Variants in GABBR2 observed in about 807,000 individuals in gnomAD.
GABBR2 encodes gamma-aminobutyric acid type B receptor subunit 2.
Under a neutral mutation model 105.6 loss-of-function variants are expected in GABBR2, and 23 were observed. The observed-to-expected ratio is 0.22, with a 90% CI of 0.16 to 0.31. The LOEUF is 0.31. Among genes scored for constraint, GABBR2 ranks in the 10% least tolerant of loss-of-function variants. The pLI, the probability that GABBR2 is intolerant of heterozygous loss-of-function variation, is 1.00. For synonymous variants in GABBR2, 478 were observed against 499.7 expected, an observed-to-expected ratio of 0.96 and a Z score of 0.58; for missense variants, 734 against 1,245.5, an observed-to-expected ratio of 0.59 and a Z score of 6.18.
intron 3 of GABBR2, among the ~76,000 whole-genome samples, chr9:98,498,228 G>T (rs1397692095): frequency 6.6e-6 from 1 of 151,874 alleles, no homozygotes; most frequent in Admixed American, 6.6e-5. Flanking sequence ...AGCAGCTGAG[G>T]GAAGGAGGGG....
At chr9:98,299,093 CTGTG>C (rs935611975) in intron 17 of GABBR2, 127 bp downstream of exon 17, 1 of 781,354 alleles carries the variant, frequency 1.3e-6, no homozygotes, top group Non-Finnish European at 2.2e-6. Context: ...TGCTCCAGCT[CTGTG>C]TGTGTGACTT....
At chr9:98,591,341 A>T (rs754818629) in intron 1 of GABBR2, among the ~76,000 whole-genome samples, 8 of 152,102 alleles carry the variant, frequency 5.3e-5, no homozygotes, top group Admixed American at 2.0e-4. Flanking sequence ...TGGAGAAGGG[A>T]TGGGTGGGTT....
At chr9:98,304,255 A>AG (rs1830515025) in intron 15 of GABBR2, 1 of 153,020 alleles carries the variant, frequency 6.5e-6, no homozygotes, top group African/African-American at 2.4e-5. Context: ...AGGGAACTCC[A>AG]AGGGAAGAAC....
intron 2 of GABBR2, among the ~76,000 whole-genome samples, chr9:98,565,315 G>T (rs1299460862): frequency 6.6e-6 from 1 of 152,198 alleles, no homozygotes; most frequent in Non-Finnish European, 1.5e-5. Context: ...CTGAGCACTT[G>T]CCTGGTTCCT....
chr9:98,360,525 C>T (rs1388399629), intron 13 of GABBR2, among the ~76,000 whole-genome samples: 1 of 151,882 alleles, frequency 6.6e-6, no homozygotes, highest in African/African-American at 2.4e-5. Flanking sequence ...CCCTGGATAG[C>T]ACCTTTCCAG....
intron 1 of GABBR2, among the ~76,000 whole-genome samples, chr9:98,679,718 T>A (rs1234691694): frequency 6.6e-6 from 1 of 152,146 alleles, no homozygotes; most frequent in Admixed American, 6.5e-5. Flanking sequence ...TCTCCCGCCC[T>A]TTTCTCTTGA....
At chr9:98,497,154 A>T (rs10818988) in intron 3 of GABBR2, among the ~76,000 whole-genome samples, 2 of 152,006 alleles carry the variant, frequency 1.3e-5, no homozygotes, top group Non-Finnish European at 2.9e-5. Flanking sequence ...GTAATCCCAG[A>T]GCTTTGGGAG....
intron 1 of GABBR2, among the ~76,000 whole-genome samples, chr9:98,668,584 T>C (rs1196648306): frequency 5.8e-5 from 2 of 34,568 alleles, no homozygotes; most frequent in African/African-American, 3.4e-4. Flanking sequence ...TAAATTTACA[T>C]TGTTGTACAA....
intron 3 of GABBR2, among the ~76,000 whole-genome samples, chr9:98,529,341 C>G (rs780704606): frequency 1.4e-4 from 22 of 152,250 alleles, no homozygotes; most frequent in African/African-American, 5.3e-4. Context: ...TCAAGAAGCA[C>G]TGTAGCCATT....
At chr9:98,494,615 TGAGTCTC>T (rs1229633042) in intron 4 of GABBR2, among the ~76,000 whole-genome samples, 1 of 152,178 alleles carries the variant, frequency 6.6e-6, no homozygotes, top group Non-Finnish European at 1.5e-5. Context: ...CTAACCTCTT[TGAGTCTC>T]GAGTCCACAT....
intron 1 of GABBR2, among the ~76,000 whole-genome samples, chr9:98,661,962 T>C (rs1830271046): frequency 6.6e-6 from 1 of 152,158 alleles, no homozygotes; most frequent in Non-Finnish European, 1.5e-5. Context: ...AGGCTCCTAT[T>C]GCAACCACAT....
chr9:98,703,132 G>A (rs1001722306), intron 1 of GABBR2, among the ~76,000 whole-genome samples: 12 of 152,226 alleles, frequency 7.9e-5, no homozygotes, highest in African/African-American at 2.9e-4. Flanking sequence ...TCTTACTGGA[G>A]TTTCTAAACT....
At chr9:98,663,693 A>G (rs918612748) in intron 1 of GABBR2, among the ~76,000 whole-genome samples, 6 of 150,582 alleles carry the variant, frequency 4.0e-5, no homozygotes, top group African/African-American at 1.2e-4. Flanking sequence ...TCCCTTGCCC[A>G]GTTTATGGAC....
At chr9:98,702,558 G>A (rs900509615) in intron 1 of GABBR2, among the ~76,000 whole-genome samples, 5 of 152,090 alleles carry the variant, frequency 3.3e-5, no homozygotes, top group African/African-American at 7.2e-5. Context: ...CCCACCTTCC[G>A]GACACAGCAT....
At chr9:98,432,085 A>G (rs753157842) in intron 7 of GABBR2, among the ~76,000 whole-genome samples, 1 of 152,102 alleles carries the variant, frequency 6.6e-6, no homozygotes, top group African/African-American at 2.4e-5. Flanking sequence ...TAGTAGAGAC[A>G]GGGTTTCACC....
chr9:98,411,308 A>C lies in GABBR2; in HGVS notation c.1237-5167T>G, dbSNP rs565919684. ...ATGTATAGGGTAACTTACGGATAAAACCCTAAGTTTTGGCGTTTGCCAACA... is the reference window on the plus strand; with the variant it reads ...ATGTATAGGGTAACTTACGGATAAACCCCTAAGTTTTGGCGTTTGCCAACA... On this transcript the variant is annotated intron_variant, in intron 7 of 18. Coordinates refer to ENST00000259455, the MANE Select transcript of GABBR2 (RefSeq NM_005458.8). Among the ~76,000 whole-genome samples, 4 of 152,264 alleles carry C rather than the reference A, an allele frequency of 2.6e-5. No homozygotes were observed. The East Asian group carries it at 7.7e-4, about 29-fold the overall frequency.
At chr9:98,422,718 G>C (rs372340858) in intron 7 of GABBR2, among the ~76,000 whole-genome samples, 1 of 151,318 alleles carries the variant, frequency 6.6e-6, no homozygotes, top group Non-Finnish European at 1.5e-5. Context: ...CCATTAACTC[G>C]TCATTTAGCA....
chr9:98,523,551 G>A (rs1827905552), intron 3 of GABBR2, among the ~76,000 whole-genome samples: 2 of 152,198 alleles, frequency 1.3e-5, no homozygotes, highest in Admixed American at 1.3e-4. Context: ...AGCTCTAAGA[G>A]GAACCCTCTC....
At chr9:98,364,402 C>T (rs149052047) in intron 12 of GABBR2, among the ~76,000 whole-genome samples, 1 of 152,300 alleles carries the variant, frequency 6.6e-6, no homozygotes, top group African/African-American at 2.4e-5. Flanking sequence ...GAAGGCCTGA[C>T]CTGCACCTTT....
Sources: allele counts gnomAD v4.1 joint callset (sites outside exome capture counted in the v4.1 genomes callset), GRCh38; gene constraint gnomAD v4.1.1; transcripts MANE v1.5; gene names NCBI Gene and HGNC (gene_info 2026-07-23, HGNC 2026-07-21).